EEIG2: variants seen among roughly 807,000 people sequenced by gnomAD.
EEIG2 encodes the protein EEIG family member 2, also known as family with sequence similarity 102 member B.
the EEIG2 span, among the ~76,000 whole-genome samples, chr1:108,582,151 T>C: frequency 6.6e-6 from 1 of 152,148 alleles, no homozygotes; most frequent in Admixed American, 6.6e-5. Flanking sequence ...GGTATATACA[T>C]TTTTTAGACA....
the EEIG2 span, among the ~76,000 whole-genome samples, chr1:108,561,742 A>G: frequency 6.6e-6 from 1 of 152,264 alleles, no homozygotes; most frequent in Non-Finnish European, 1.5e-5. Context: ...CACCTGTAAG[A>G]GAAGAATGTA....
the EEIG2 span, among the ~76,000 whole-genome samples, chr1:108,624,288 G>A: frequency 1.3e-5 from 2 of 152,128 alleles, no homozygotes; most frequent in African/African-American, 4.8e-5. Context: ...GATTCAAAAG[G>A]GCTTGGCACT....
At chr1:108,638,769 C>T in the EEIG2 span, 1 of 152,098 alleles carries the variant, frequency 6.6e-6, no homozygotes, top group Non-Finnish European at 1.5e-5. Context: ...GATGAATATA[C>T]CCATATTAAT....
chr1:108,633,883 C>T, the EEIG2 span, among the ~76,000 whole-genome samples: 1 of 152,150 alleles, frequency 6.6e-6, no homozygotes, highest in Non-Finnish European at 1.5e-5. Context: ...ATCTCTGACT[C>T]CTTCACTCAG....
the EEIG2 span, among the ~76,000 whole-genome samples, chr1:108,590,845 ATAAG>A: frequency 6.6e-6 from 1 of 152,364 alleles, no homozygotes; most frequent in African/African-American, 2.4e-5. Context: ...TTATTCGAGA[ATAAG>A]TAATGCATTT....
the EEIG2 span, among the ~76,000 whole-genome samples, chr1:108,562,556 C>T: frequency 2.0e-5 from 3 of 152,162 alleles, no homozygotes; most frequent in Non-Finnish European, 4.4e-5. Context: ...ATTTGGAATG[C>T]GGTGAGTCTA....
At chr1:108,612,965 A>G in the EEIG2 span, among the ~76,000 whole-genome samples, 2 of 152,266 alleles carry the variant, frequency 1.3e-5, no homozygotes, top group South Asian at 4.1e-4. Flanking sequence ...AAGTTAGTGA[A>G]GCAAAGAATT....
the EEIG2 span, among the ~76,000 whole-genome samples, chr1:108,579,488 A>G: frequency 1.4e-5 from 2 of 146,654 alleles, no homozygotes; most frequent in Non-Finnish European, 3.0e-5. Context: ...CACATTAATA[A>G]TGGGAGACTT....
chr1:108,626,406 CT>C, the EEIG2 span: 1 of 152,138 alleles, frequency 6.6e-6, no homozygotes, highest in Non-Finnish European at 1.5e-5. Context: ...AGATGAGTGA[CT>C]GTTGAATAGG....
the EEIG2 span, among the ~76,000 whole-genome samples, chr1:108,621,036 AG>A: frequency 2.1e-4 from 1 of 4,836 alleles, no homozygotes; most frequent in Non-Finnish European, 1.2e-3. Context: ...GGGACACCCC[AG>A]GAGAGAAAAC....
At chr1:108,628,699 G>A in the EEIG2 span, 2 of 1,612,266 alleles carry the variant, frequency 1.2e-6, no homozygotes, top group South Asian at 1.1e-5. Context: ...ACAAGATTCT[G>A]TAGAATCTCA....
the EEIG2 span, among the ~76,000 whole-genome samples, chr1:108,616,124 CTT>C: frequency 0.032 from 4,181 of 129,778 alleles, 157 homozygotes; most frequent in African/African-American, 0.096. Flanking sequence ...CCCACTTCTT[CTT>C]TTTTTTTTTT....
the EEIG2 span, among the ~76,000 whole-genome samples, chr1:108,607,434 G>A: frequency 6.6e-6 from 1 of 152,166 alleles, no homozygotes; most frequent in Non-Finnish European, 1.5e-5. Context: ...GGATTGCCAT[G>A]GTTAGCTTAA....
the EEIG2 span, among the ~76,000 whole-genome samples, chr1:108,609,933 G>T: frequency 6.6e-6 from 1 of 152,192 alleles, no homozygotes; most frequent in Non-Finnish European, 1.5e-5. Context: ...AAGAGCATCA[G>T]GAAAAATAGC....
At chr1:108,583,021 T>C in the EEIG2 span, among the ~76,000 whole-genome samples, 14 of 152,204 alleles carry the variant, frequency 9.2e-5, no homozygotes, top group South Asian at 1.7e-3. Flanking sequence ...GTGGAAAATA[T>C]ATAAAATTAG....
At chr1:108,610,056 T>C in the EEIG2 span, among the ~76,000 whole-genome samples, 1 of 152,064 alleles carries the variant, frequency 6.6e-6, no homozygotes, top group African/African-American at 2.4e-5. Context: ...GAACTTAAAA[T>C]AAAATCAAAA....
chr1:108,616,651 C>T, the EEIG2 span, among the ~76,000 whole-genome samples: 1 of 152,114 alleles, frequency 6.6e-6, no homozygotes, highest in Non-Finnish European at 1.5e-5. Flanking sequence ...CTTTCATCAT[C>T]TTCGGGTTTT....
chr1:108,636,838 A>G, the EEIG2 span: 1 of 152,196 alleles, frequency 6.6e-6, no homozygotes, highest in Non-Finnish European at 1.5e-5. Context: ...GGAAAAATCA[A>G]AGAAAGTTTT....
chr1:108,561,741 GAGA>G, the EEIG2 span, among the ~76,000 whole-genome samples: 1 of 152,242 alleles, frequency 6.6e-6, no homozygotes, highest in African/African-American at 2.4e-5. Flanking sequence ...ACACCTGTAA[GAGA>G]AGAATGTAAC....
Sources: gnomAD v4.1 joint callset for allele counts (sites outside exome capture counted in the v4.1 genomes callset) on GRCh38, gnomAD v4.1.1 for gene constraint, MANE v1.5 for transcripts, NCBI Gene and HGNC (gene_info 2026-07-23, HGNC 2026-07-21) for gene names.